ABLIM3: variants seen among roughly 807,000 people sequenced by gnomAD.
The protein encoded by ABLIM3 is actin-binding LIM protein 3.
A neutral mutation model predicts 109.5 loss-of-function variants in ABLIM3; 61 were observed. That is an observed-to-expected ratio of 0.56 (90% CI 0.45 to 0.69). The LOEUF is 0.69. Ranked by LOEUF, ABLIM3 falls within the 30% of genes least tolerant of loss-of-function variation. The pLI, the probability that ABLIM3 is intolerant of heterozygous loss-of-function variation, is 0.00. For missense variants in ABLIM3, 796 were observed against 889.5 expected (o/e 0.89, Z 1.34); for synonymous variants, 300 against 324.8 (o/e 0.92, Z 0.82).
At position 149,259,379 on chromosome 5, in the gene ABLIM3, A is replaced by C; in HGVS notation, c.*975A>C. Reference sequence around the variant, plus strand: ...GGGCTAATGTTCCCACCAGAGCTCCAACTGAACAACCAGACAGACAACTCT... The same window carrying C: ...GGGCTAATGTTCCCACCAGAGCTCCCACTGAACAACCAGACAGACAACTCT... On this transcript the variant is annotated 3_prime_UTR_variant, in exon 24 of 24. Transcript: ENST00000309868. The C allele has an allele frequency of 1.4e-6, 2 of 1,469,546 alleles. No individual in the cohort carries two copies. Among genetic ancestry groups the C allele is most frequent in the Non-Finnish European group, 1.8e-6 (2 of 1,113,876 alleles). 91.0% of individuals were successfully genotyped at this position (1,469,546 alleles called of 1,614,324 possible).
At chr5:149,228,045 G>T (rs1300276290) in intron 8 of ABLIM3, among the ~76,000 whole-genome samples, 1 of 152,104 alleles carries the variant, frequency 6.6e-6, no homozygotes. Context: ...TTTGGGGGCT[G>T]GTAAACATCC....
At chr5:149,203,573 GAAC>G (rs1372379991) in intron 5 of ABLIM3, among the ~76,000 whole-genome samples, 13 of 150,840 alleles carry the variant, frequency 8.6e-5, no homozygotes, top group African/African-American at 2.0e-4. Flanking sequence ...TCACCATTAT[GAAC>G]AACACCACCA....
chr5:149,150,656 C>T (rs1222460340), intron 2 of ABLIM3, among the ~76,000 whole-genome samples: 1 of 152,220 alleles, frequency 6.6e-6, no homozygotes, highest in Non-Finnish European at 1.5e-5. Flanking sequence ...CGGTCAACAA[C>T]TGGCTATTAC....
At chr5:149,256,833 T>C (rs572571766) in intron 23 of ABLIM3, among the ~76,000 whole-genome samples, 1 of 152,220 alleles carries the variant, frequency 6.6e-6, no homozygotes, top group Non-Finnish European at 1.5e-5. Flanking sequence ...TTGTGTAGTT[T>C]TGACATTTTT....
At chr5:149,168,960 A>G (rs9765483) in intron 2 of ABLIM3, among the ~76,000 whole-genome samples, 119,341 of 151,978 alleles carry the variant, frequency 0.79, 47,119 homozygotes, top group Admixed American at 0.83. Context: ...TCTGTATTTT[A>G]ACAATCCCGC....
At chr5:149,142,268 G>T (rs546723441) in intron 2 of ABLIM3, among the ~76,000 whole-genome samples, 160 bp downstream of exon 2, 2 of 152,264 alleles carry the variant, frequency 1.3e-5, no homozygotes, top group South Asian at 4.1e-4. Flanking sequence ...CTTGGCAGAG[G>T]GATAGCTTCA....
chr5:149,215,330 G>A (rs946051902), intron 7 of ABLIM3, among the ~76,000 whole-genome samples: 3 of 152,098 alleles, frequency 2.0e-5, no homozygotes, highest in African/African-American at 4.8e-5. Flanking sequence ...GAACATATTC[G>A]CTTTGATGAT....
chr5:149,172,230 A>C (rs1755503255), intron 2 of ABLIM3, among the ~76,000 whole-genome samples: 1 of 152,240 alleles, frequency 6.6e-6, no homozygotes, highest in Admixed American at 6.5e-5. Flanking sequence ...GCATAAAATA[A>C]TGAAACAGAA....
intron 19 of ABLIM3, among the ~76,000 whole-genome samples, 199 bp downstream of exon 19, chr5:149,250,043 A>G (rs957672182): frequency 5.3e-5 from 8 of 152,284 alleles, no homozygotes; most frequent in East Asian, 1.9e-4. Context: ...GCCATCCCCA[A>G]TAGATGGTCC....
intron 5 of ABLIM3, among the ~76,000 whole-genome samples, chr5:149,206,704 G>C (rs999084541): frequency 5.9e-5 from 9 of 152,176 alleles, no homozygotes; most frequent in Admixed American, 2.0e-4. Context: ...CAGCAGCAGA[G>C]CTTAGTTAGC....
intron 23 of ABLIM3, 143 bp from the exon 24 acceptor site, chr5:149,258,148 C>G: frequency 1.6e-6 from 1 of 614,222 alleles, no homozygotes; most frequent in Non-Finnish European, 2.8e-6. Flanking sequence ...ACACATTCCC[C>G]AGGCTCAGGC....
intron 23 of ABLIM3, among the ~76,000 whole-genome samples, chr5:149,256,006 T>C (rs1754393904): frequency 6.6e-6 from 1 of 152,192 alleles, no homozygotes; most frequent in Non-Finnish European, 1.5e-5. Flanking sequence ...TTGTCCATGG[T>C]CACATGGCCA....
At chr5:149,202,131 G>A (rs984810348) in intron 5 of ABLIM3, among the ~76,000 whole-genome samples, 1 of 152,196 alleles carries the variant, frequency 6.6e-6, no homozygotes, top group African/African-American at 2.4e-5. Flanking sequence ...ATTTCCCCTA[G>A]TTTGGATTGT....
chr5:149,240,546 C>T (rs531790793), intron 13 of ABLIM3, 130 bp from the exon 14 acceptor site: 157 of 723,230 alleles, frequency 2.2e-4, no homozygotes, highest in Admixed American at 1.7e-3. Context: ...AACCTGAGCA[C>T]GCTGAGACGC....
intron 2 of ABLIM3, among the ~76,000 whole-genome samples, chr5:149,156,735 G>A (rs930107023): frequency 3.9e-5 from 6 of 152,238 alleles, no homozygotes; most frequent in African/African-American, 7.2e-5. Context: ...CAGGGAACAT[G>A]TCACATTAGT....
Position 149,200,628 on chromosome 5 carries a change from G to A in ABLIM3, c.448+200G>A, listed in dbSNP as rs887407685. 3.0e-5 allele frequency: 18 copies of A among 593,840 alleles called. No homozygotes were observed. In the African/African-American group the frequency reaches 3.2e-4, roughly 10 times the overall value. 36.8% of individuals were successfully genotyped at this position (593,840 alleles called of 1,614,324 possible). ...AAGCACAATGCAGGGAAGAGGGGCT[G>A]CCTGGCCATAAACAGTGGTAGCCAG... On this transcript the variant is annotated intron_variant, in intron 5 of 23. Coordinates refer to ENST00000309868, the MANE Select transcript of ABLIM3 (RefSeq NM_014945.5).
chr5:149,211,637 G>C (rs773065311), intron 7 of ABLIM3, among the ~76,000 whole-genome samples: 4 of 152,074 alleles, frequency 2.6e-5, no homozygotes, highest in Non-Finnish European at 4.4e-5. Flanking sequence ...ATTGTCAGCA[G>C]AATCATTAAT....
rs566530552 is a variant in ABLIM3 at position 149,195,120 on chromosome 5, A to G, written c.152-3099A>G. On this transcript the variant is annotated intron_variant, in intron 3 of 23. Transcript: ENST00000309868. Reference sequence around the variant, plus strand: ...GACAGAGTCTTGCACTTTCTGTTCTAGATGTGTCCTCAGTTAACCACCCAG... The same window carrying G: ...GACAGAGTCTTGCACTTTCTGTTCTGGATGTGTCCTCAGTTAACCACCCAG... 2.0e-5 allele frequency among the ~76,000 whole-genome samples: 3 copies of G among 152,320 alleles called. No individual in the cohort carries two copies. In the East Asian group the frequency reaches 5.8e-4, roughly 29 times the overall value.
chr5:149,207,447 CTTG>C (rs1233626898), intron 6 of ABLIM3, among the ~76,000 whole-genome samples: 1 of 152,148 alleles, frequency 6.6e-6, no homozygotes, highest in Non-Finnish European at 1.5e-5. Context: ...CTCAGAGTAC[CTTG>C]TTGTTTCCTT....
Sources: allele counts gnomAD v4.1 joint callset (sites outside exome capture counted in the v4.1 genomes callset), GRCh38; gene constraint gnomAD v4.1.1; transcripts MANE v1.5; gene names NCBI Gene and HGNC (gene_info 2026-07-23, HGNC 2026-07-21).